CTIF: variants seen among roughly 807,000 people sequenced by gnomAD.
CTIF encodes CBP80/20-dependent translation initiation factor.
In CTIF, 21 loss-of-function variants were observed where a neutral mutation model predicts 66.0. That is an observed-to-expected ratio of 0.32 (90% CI 0.23 to 0.46). The LOEUF is 0.46. Ranked by LOEUF, CTIF falls within the 20% of genes least tolerant of loss-of-function variation. The pLI is 1.00. For synonymous variants in CTIF, 345 were observed against 326.4 expected (o/e 1.06, Z -0.62); for missense variants, 739 against 812.7 (o/e 0.91, Z 1.10).
At chr18:48,687,802 G>C (rs1443161603) in intron 6 of CTIF, among the ~76,000 whole-genome samples, 2 of 152,226 alleles carry the variant, frequency 1.3e-5, no homozygotes, top group Non-Finnish European at 2.9e-5. Context: ...GCACCAGGTA[G>C]TTGCTGGCAC....
At chr18:48,695,266 G>C (rs925854141) in intron 6 of CTIF, among the ~76,000 whole-genome samples, 2 of 152,188 alleles carry the variant, frequency 1.3e-5, no homozygotes, top group African/African-American at 2.4e-5. Flanking sequence ...CTTGTTTAAA[G>C]CCACATTCAT....
intron 6 of CTIF, among the ~76,000 whole-genome samples, chr18:48,701,485 T>A (rs1017287391): frequency 6.6e-6 from 1 of 152,130 alleles, no homozygotes; most frequent in African/African-American, 2.4e-5. Flanking sequence ...TTGGTCCCAT[T>A]TGGTCTTCGA....
intron 3 of CTIF, among the ~76,000 whole-genome samples, chr18:48,648,060 G>A (rs2091082510): frequency 1.3e-5 from 2 of 152,198 alleles, no homozygotes; most frequent in Non-Finnish European, 2.9e-5. Flanking sequence ...GTTTTGGACA[G>A]GCAGCCAGAC....
intron 6 of CTIF, among the ~76,000 whole-genome samples, chr18:48,698,881 T>C (rs2092044530): frequency 6.6e-6 from 1 of 152,216 alleles, no homozygotes; most frequent in South Asian, 2.1e-4. Flanking sequence ...TTCCTCTCTG[T>C]GGCCTAGGTC....
intron 1 of CTIF, among the ~76,000 whole-genome samples, chr18:48,542,274 A>AT (rs1261073921): frequency 2.0e-5 from 3 of 152,366 alleles, no homozygotes; most frequent in Admixed American, 6.5e-5. Context: ...TAATAAATGT[A>AT]TATGGTATGC....
chr18:48,739,328 G>C (rs1184636310), intron 7 of CTIF, among the ~76,000 whole-genome samples: 1 of 152,236 alleles, frequency 6.6e-6, no homozygotes, highest in Non-Finnish European at 1.5e-5. Flanking sequence ...CAAGCTGGAT[G>C]TCAGGCAAAT....
intron 8 of CTIF, among the ~76,000 whole-genome samples, chr18:48,759,310 C>T (rs548403482): frequency 4.6e-5 from 7 of 152,150 alleles, no homozygotes; most frequent in African/African-American, 1.4e-4. Flanking sequence ...CTGGGGCTTC[C>T]GCAGAGCTCC....
intron 9 of CTIF, among the ~76,000 whole-genome samples, chr18:48,779,830 G>A (rs1377384483): frequency 6.6e-6 from 1 of 152,186 alleles, no homozygotes. Context: ...TTCATGATTC[G>A]TGAATGCAAA....
chr18:48,853,642 G>A (rs926570281), intron 10 of CTIF, among the ~76,000 whole-genome samples: 1 of 152,218 alleles, frequency 6.6e-6, no homozygotes, highest in African/African-American at 2.4e-5. Flanking sequence ...TTACCAAGGA[G>A]AATGAGGTCT....
Position 48,721,874 on chromosome 18 carries a change from G to C in CTIF, c.584+10179G>C, listed in dbSNP as rs111358599. ...AGAGCAATTCTCTTACACTTTAAGG[G>C]TACACAGTTTCTCAGCTATAAAATA... is the stretch of plus-strand genomic sequence containing the variant. On this transcript the variant is annotated intron_variant, in intron 7 of 11. Transcript: ENST00000256413. 1.2e-3 allele frequency among the ~76,000 whole-genome samples: 182 copies of C among 152,282 alleles called. 1 individual carries two copies. Among genetic ancestry groups the C allele is most frequent in the Admixed American group, 3.5e-3 (53 of 15,302 alleles).
chr18:48,678,942 G>T (rs184655739), intron 6 of CTIF, among the ~76,000 whole-genome samples: 18 of 152,302 alleles, frequency 1.2e-4, no homozygotes, highest in African/African-American at 4.1e-4. Flanking sequence ...TTATCAAAAC[G>T]CAGCCACACC....
chr18:48,638,145 G>A (rs1469098836), intron 3 of CTIF, among the ~76,000 whole-genome samples: 1 of 152,016 alleles, frequency 6.6e-6, no homozygotes, highest in Admixed American at 6.5e-5. Context: ...TGCTCCTCAG[G>A]GGCACTGTCT....
At chr18:48,702,336 A>G (rs2092094989) in intron 6 of CTIF, among the ~76,000 whole-genome samples, 1 of 152,250 alleles carries the variant, frequency 6.6e-6, no homozygotes, top group African/African-American at 2.4e-5. Context: ...TATAGGGTGC[A>G]TGTCATAGGC....
chr18:48,574,018 A>T (rs2089477320), intron 1 of CTIF, among the ~76,000 whole-genome samples: 1 of 152,178 alleles, frequency 6.6e-6, no homozygotes, highest in Admixed American at 6.5e-5. Context: ...GTCTGGTGTC[A>T]CCGGGCACCC....
intron 7 of CTIF, among the ~76,000 whole-genome samples, chr18:48,738,042 T>C (rs2092519292): frequency 6.6e-6 from 1 of 152,220 alleles, no homozygotes; most frequent in Admixed American, 6.5e-5. Flanking sequence ...AGCTTCCATC[T>C]GCCCCAAGCC....
chr18:48,574,291 G>A (rs912457861), intron 1 of CTIF, among the ~76,000 whole-genome samples: 2 of 152,118 alleles, frequency 1.3e-5, no homozygotes, highest in Non-Finnish European at 2.9e-5. Context: ...ATAATTCCCT[G>A]ACTATCCTGT....
chr18:48,649,590 A>G (rs547642950), intron 3 of CTIF, among the ~76,000 whole-genome samples: 1 of 152,372 alleles, frequency 6.6e-6, no homozygotes, highest in Non-Finnish European at 1.5e-5. Context: ...ACAGCTCTGA[A>G]GAGAGCAGTG....
At chr18:48,551,993 G>A (rs1031947238) in intron 1 of CTIF, among the ~76,000 whole-genome samples, 2 of 152,052 alleles carry the variant, frequency 1.3e-5, no homozygotes, top group Non-Finnish European at 2.9e-5. Flanking sequence ...TAGTAGAGAC[G>A]GGGTTTCACT....
At chr18:48,777,094 G>A (rs1364892557) in intron 9 of CTIF, among the ~76,000 whole-genome samples, 3 of 152,234 alleles carry the variant, frequency 2.0e-5, no homozygotes, top group Admixed American at 6.5e-5. Flanking sequence ...ATTGGTTAGC[G>A]GGTTGACCAG....
Sources: gnomAD v4.1 joint callset for allele counts (sites outside exome capture counted in the v4.1 genomes callset) on GRCh38, gnomAD v4.1.1 for gene constraint, MANE v1.5 for transcripts, NCBI Gene and HGNC (gene_info 2026-07-23, HGNC 2026-07-21) for gene names.